SEC23A: variants seen among roughly 807,000 people sequenced by gnomAD.
SEC23A encodes the protein protein transport protein Sec23A.
Under a neutral mutation model 103.7 loss-of-function variants are expected in SEC23A, and 56 were observed. That is an observed-to-expected ratio of 0.54 (90% CI 0.44 to 0.67). The LOEUF (loss-of-function observed/expected upper bound fraction) is 0.67, where lower values mean the gene tolerates loss of function less well. SEC23A is among the 30% of genes least tolerant of loss of function. The pLI is 0.00. For missense variants in SEC23A, 784 were observed against 936.4 expected (o/e 0.84, Z 2.12); for synonymous variants, 281 against 293.0 (o/e 0.96, Z 0.42).
Position 39,063,234 on chromosome 14 carries a change from G to A in SEC23A, c.1398+90C>T, listed in dbSNP as rs72671372. 0.07 allele frequency: 54,746 copies of A among 786,882 alleles called. 2,153 individuals are homozygous for A. Among genetic ancestry groups the A allele is most frequent in the African/African-American group, 0.12 (6,858 of 58,098 alleles). 48.7% of individuals were successfully genotyped at this position (786,882 alleles called of 1,614,324 possible). A position where few individuals can be genotyped will look rare whatever the true frequency, so the allele number is the denominator to read the frequency against. On this transcript the variant is annotated intron_variant, in intron 12 of 19. Coordinates refer to ENST00000307712, the MANE Select transcript of SEC23A (RefSeq NM_006364.4). ...AAATGTTGGGTTATATCTACTATAG[G>A]AAAAAAAATATGAACTATTCATGGC...
chr14:39,075,755 A>T (rs1018196845), intron 8 of SEC23A, among the ~76,000 whole-genome samples, 180 bp downstream of exon 8: 1 of 152,244 alleles, frequency 6.6e-6, no homozygotes, highest in Non-Finnish European at 1.5e-5. Flanking sequence ...AAATATTTCA[A>T]ACCAGAAACA....
rs573177539 is a variant in SEC23A, at chr14:39,098,936, A to G, written c.-21-2797T>C. 3.9e-5 allele frequency among the ~76,000 whole-genome samples: 6 copies of G among 152,138 alleles called. No homozygotes were observed. The South Asian group carries it at 1.2e-3, about 32-fold the overall frequency. The stretch of plus-strand genomic sequence containing the variant: ...AAAATGCATCTAAAACACATCTGCA[A>G]AAGGCATTAAAATAGCTGAAACACA... On this transcript the variant is annotated intron_variant, in intron 1 of 19. Transcript: ENST00000307712.
chr14:39,073,191 AAAAAT>A, intron 9 of SEC23A, among the ~76,000 whole-genome samples: 1 of 152,324 alleles, frequency 6.6e-6, no homozygotes, highest in Admixed American at 6.5e-5. Flanking sequence ...ACTCAGCAGT[AAAAAT>A]AAAATAAAAT....
chr14:39,039,148 T>C (rs1245841155), intron 18 of SEC23A, 52 bp from the exon 19 acceptor site: 1 of 1,397,764 alleles, frequency 7.2e-7, no homozygotes, highest in African/African-American at 1.4e-5. Flanking sequence ...TTTCAGTCAA[T>C]ATCAGCTGAA....
At chr14:39,087,192 A>C (rs1566509523) in intron 5 of SEC23A, among the ~76,000 whole-genome samples, 184 bp from the exon 6 acceptor site, 1 of 152,236 alleles carries the variant, frequency 6.6e-6, no homozygotes, top group Non-Finnish European at 1.5e-5. Context: ...AACACAAAAT[A>C]ATCATCATGA....
chr14:39,071,853 C>T (rs1172419739), intron 9 of SEC23A, among the ~76,000 whole-genome samples: 1 of 151,470 alleles, frequency 6.6e-6, no homozygotes, highest in Non-Finnish European at 1.5e-5. Flanking sequence ...GACAGAGCGA[C>T]TCCGTCTCAA....
At chr14:39,064,727 T>C in intron 11 of SEC23A, 186 bp downstream of exon 11, 1 of 613,806 alleles carries the variant, frequency 1.6e-6, no homozygotes, top group Non-Finnish European at 2.9e-6. Flanking sequence ...GTGCGTTCGC[T>C]GTGTCTTTTT....
At chr14:39,051,549 G>A (rs73285774) in intron 14 of SEC23A, among the ~76,000 whole-genome samples, 1 of 152,124 alleles carries the variant, frequency 6.6e-6, no homozygotes, top group Admixed American at 6.5e-5. Flanking sequence ...AAATAATGTG[G>A]CAATTTTTGA....
chr14:39,042,805 ATCTGGAAGAATGTG>A lies in SEC23A; in HGVS notation c.1953_1966del (p.Thr652PhefsTer6). ...TCTTACCTCACCATGATAAATCAAA[ATCTGGAAGAATGTG>A]TCCATGAGAAGAATACGATCTGCAA... On this transcript the variant is annotated frameshift_variant, in exon 17 of 20. Coordinates refer to ENST00000307712, the MANE Select transcript of SEC23A (RefSeq NM_006364.4). LOFTEE classifies it high-confidence loss of function. The A allele has an allele frequency of 6.2e-7, 1 of 1,609,368 alleles. No individual in the cohort carries two copies. The highest frequency in any genetic ancestry group is 8.5e-7 in the Non-Finnish European group (1 of 1,175,794).
chr14:39,061,022 C>T (rs1886454079), intron 13 of SEC23A, among the ~76,000 whole-genome samples: 1 of 152,082 alleles, frequency 6.6e-6, no homozygotes, highest in Non-Finnish European at 1.5e-5. Context: ...AAAAGAGGAA[C>T]TGAGAATAAA....
chr14:39,048,121 A>G (rs1885908372), intron 15 of SEC23A, among the ~76,000 whole-genome samples: 1 of 152,230 alleles, frequency 6.6e-6, no homozygotes, highest in South Asian at 2.1e-4. Context: ...AGGGTTCCAG[A>G]ATAAGTCTCT....
At chr14:39,069,522 C>T (rs1484322440) in intron 9 of SEC23A, among the ~76,000 whole-genome samples, 1 of 152,082 alleles carries the variant, frequency 6.6e-6, no homozygotes, top group African/African-American at 2.4e-5. Context: ...TGCAGTGATG[C>T]GATCATGGCT....
At chr14:39,060,028 A>G (rs1312412901) in intron 13 of SEC23A, among the ~76,000 whole-genome samples, 2 of 152,114 alleles carry the variant, frequency 1.3e-5, no homozygotes, top group Non-Finnish European at 2.9e-5. Flanking sequence ...GTAAGTTGTA[A>G]AAAGTCCTTC....
chr14:39,067,392 A>G, intron 9 of SEC23A, 96 bp from the exon 10 acceptor site: 2 of 1,368,028 alleles, frequency 1.5e-6, no homozygotes. Flanking sequence ...AACTACCAAT[A>G]AATTTTAAAG....
intron 1 of SEC23A, among the ~76,000 whole-genome samples, chr14:39,099,154 G>GTTTT (rs35763261): frequency 6.0e-5 from 5 of 83,656 alleles, no homozygotes; most frequent in South Asian, 4.8e-4. Flanking sequence ...TTGTTTTTGG[G>GTTTT]TTTTTTTTTT....
chr14:39,101,267 G>A (rs1260908677), intron 1 of SEC23A, among the ~76,000 whole-genome samples: 1 of 152,268 alleles, frequency 6.6e-6, no homozygotes, highest in Non-Finnish European at 1.5e-5. Context: ...AAGCTAAGAA[G>A]CAAACCACTA....
At chr14:39,101,341 C>A (rs111486532) in intron 1 of SEC23A, among the ~76,000 whole-genome samples, 1 of 151,682 alleles carries the variant, frequency 6.6e-6, no homozygotes, top group Non-Finnish European at 1.5e-5. Context: ...CTTCCCTGGC[C>A]GGGCGCGGTG....
At chr14:39,080,207 G>A (rs1209242707) in intron 7 of SEC23A, among the ~76,000 whole-genome samples, 1 of 151,938 alleles carries the variant, frequency 6.6e-6, no homozygotes, top group East Asian at 1.9e-4. Context: ...AAAGATCAAG[G>A]GCAGTTTGGG....
intron 19 of SEC23A, 71 bp downstream of exon 19, chr14:39,038,960 T>G (rs1414665186): frequency 7.7e-7 from 1 of 1,301,270 alleles, no homozygotes; most frequent in Non-Finnish European, 1.1e-6. Context: ...GAAAAAAATG[T>G]AGCTTTCACT....
Sources: allele counts gnomAD v4.1 joint callset (sites outside exome capture counted in the v4.1 genomes callset), GRCh38; gene constraint gnomAD v4.1.1; transcripts MANE v1.5; gene names NCBI Gene and HGNC (gene_info 2026-07-23, HGNC 2026-07-21).